Variants in TTLL7 observed in about 807,000 individuals in gnomAD.
The protein encoded by TTLL7 is tubulin tyrosine ligase like 7.
TTLL7 carries 53 observed loss-of-function variants against 120.2 expected under a neutral mutation model. The ratio of observed to expected loss-of-function variants is 0.44; its 90% CI spans 0.35 to 0.55. The LOEUF (loss-of-function observed/expected upper bound fraction) is 0.55, where lower values mean the gene tolerates loss of function less well. TTLL7 is among the 20% of genes least tolerant of loss of function. The pLI is 0.00. For missense variants in TTLL7, 803 were observed against 1,054.7 expected (o/e 0.76, Z 3.31); for synonymous variants, 353 against 351.7 (o/e 1.00, Z -0.04).
chr1:83,996,039 C>A (rs78962813), intron 1 of TTLL7, among the ~76,000 whole-genome samples: 1,717 of 151,908 alleles, frequency 0.011, 26 homozygotes, highest in Non-Finnish European at 0.015. Flanking sequence ...AATATAGATA[C>A]CATAATTAAA....
At chr1:83,905,552 T>C (rs979659409) in intron 17 of TTLL7, among the ~76,000 whole-genome samples, 2 of 150,434 alleles carry the variant, frequency 1.3e-5, no homozygotes, top group African/African-American at 2.4e-5. Flanking sequence ...ATATACATAA[T>C]TTATAAAATT....
At chr1:83,894,106 A>G in intron 18 of TTLL7, among the ~76,000 whole-genome samples, 1 of 152,114 alleles carries the variant, frequency 6.6e-6, no homozygotes, top group East Asian at 1.9e-4. Flanking sequence ...ATGTGATATA[A>G]GAATCAACAC....
At chr1:83,875,225 A>T (rs898405277) in intron 20 of TTLL7, among the ~76,000 whole-genome samples, 3 of 151,826 alleles carry the variant, frequency 2.0e-5, no homozygotes, top group Admixed American at 6.6e-5. Flanking sequence ...CTACCCAATT[A>T]TACATTCCTT....
In TTLL7 at chr1:83,867,284, T is replaced by C. The variant is rs1489122062; in HGVS notation, c.*2678A>G. The C allele has an allele frequency of 5.9e-5, 9 of 152,026 alleles. No individual in the cohort carries two copies. Among genetic ancestry groups the C allele is most frequent in the Non-Finnish European group, 1.2e-4 (8 of 67,896 alleles). The allele number at this position is 152,026 out of a possible 1,614,324, so 9.4% of individuals were successfully genotyped here. A position where few individuals can be genotyped will look rare whatever the true frequency, so the allele number is the denominator to read the frequency against. ...TGTTGTGTCTTCTCTTAGTTGCTCA[T>C]TAGGGAATAGCACTACAGCAGACAC... is the stretch of plus-strand genomic sequence containing the variant. On this transcript the variant is annotated 3_prime_UTR_variant, in exon 21 of 21. Coordinates refer to ENST00000260505, the MANE Select transcript of TTLL7 (RefSeq NM_024686.6).
At position 83,895,355 on chromosome 1, in the gene TTLL7, C is replaced by A. The variant is rs140920279; in HGVS notation, c.2209-4874G>T. 7.2e-3 allele frequency among the ~76,000 whole-genome samples: 1,091 copies of A among 152,084 alleles called. 20 individuals carry two copies. The highest frequency in any genetic ancestry group is 0.025 in the African/African-American group (1,044 of 41,504). ...GGTAAAAAATCATTGAGAGAACTTACCATGTGCCAAGCACTGTTCTAAGCA... is the reference window on the plus strand; with the variant it reads ...GGTAAAAAATCATTGAGAGAACTTAACATGTGCCAAGCACTGTTCTAAGCA... On this transcript the variant is annotated intron_variant, in intron 18 of 20. Transcript: ENST00000260505.
At chr1:83,911,443 T>C (rs1161405735) in intron 14 of TTLL7, 80 bp from the exon 15 acceptor site, 4 of 1,142,014 alleles carry the variant, frequency 3.5e-6, no homozygotes, top group Non-Finnish European at 3.7e-6. Context: ...ATTTTTAATT[T>C]CCCCCTATGC....
intron 1 of TTLL7, among the ~76,000 whole-genome samples, chr1:83,984,776 G>A (rs1652291274): frequency 6.6e-6 from 1 of 152,130 alleles, no homozygotes; most frequent in African/African-American, 2.4e-5. Flanking sequence ...CTACTAGAGA[G>A]GGGAGAGAGG....
chr1:83,942,720 G>C (rs1268348213), intron 6 of TTLL7, 41 bp from the exon 7 acceptor site: 4 of 1,452,064 alleles, frequency 2.8e-6, no homozygotes, highest in East Asian at 2.3e-5. Context: ...ATTTGACATA[G>C]AGCAAGGTGT....
chr1:83,934,995 TGGTG>T (rs1449373793), intron 8 of TTLL7, among the ~76,000 whole-genome samples: 1 of 152,152 alleles, frequency 6.6e-6, no homozygotes, highest in African/African-American at 2.4e-5. Flanking sequence ...TTCCACTACC[TGGTG>T]GAACAATATT....
chr1:83,967,177 T>C (rs1002079644), intron 1 of TTLL7, among the ~76,000 whole-genome samples: 1 of 152,012 alleles, frequency 6.6e-6, no homozygotes, highest in African/African-American at 2.4e-5. Context: ...TTTTTTTAAG[T>C]AAATAAAATA....
At chr1:83,979,370 T>C (rs1651770011) in intron 1 of TTLL7, 1 of 152,092 alleles carries the variant, frequency 6.6e-6, no homozygotes, top group African/African-American at 2.4e-5. Context: ...AGGGTCCAGG[T>C]GGAGTCACCC....
At chr1:83,965,071 T>G (rs1316349961) in intron 1 of TTLL7, among the ~76,000 whole-genome samples, 5 of 151,876 alleles carry the variant, frequency 3.3e-5, no homozygotes, top group Admixed American at 3.3e-4. Flanking sequence ...CTGGAACTCA[T>G]AGATTATTCT....
intron 20 of TTLL7, among the ~76,000 whole-genome samples, chr1:83,880,922 T>C (rs1254937767): frequency 6.6e-6 from 1 of 151,996 alleles, no homozygotes; most frequent in East Asian, 1.9e-4. Context: ...AACAGAGCCC[T>C]CAGAAATAAT....
intron 1 of TTLL7, among the ~76,000 whole-genome samples, chr1:83,975,285 T>G (rs189726849): frequency 1.3e-5 from 2 of 152,106 alleles, no homozygotes; most frequent in African/African-American, 2.4e-5. Context: ...GGGTCTGGAG[T>G]GCAGCCTTGA....
At chr1:83,951,787 C>T (rs1649079769) in intron 3 of TTLL7, 58 bp downstream of exon 3, 1 of 1,544,772 alleles carries the variant, frequency 6.5e-7, no homozygotes, top group Non-Finnish European at 8.7e-7. Context: ...GTTTTTAACA[C>T]CAAATCAGTT....
At chr1:83,929,677 G>GTGCT (rs557802423) in intron 9 of TTLL7, among the ~76,000 whole-genome samples, 21 of 152,194 alleles carry the variant, frequency 1.4e-4, no homozygotes, top group African/African-American at 4.8e-4. Flanking sequence ...GAAACTATCA[G>GTGCT]TGCTCCCTTT....
chr1:83,879,703 C>T (rs1654275187), intron 20 of TTLL7, among the ~76,000 whole-genome samples: 1 of 151,968 alleles, frequency 6.6e-6, no homozygotes, highest in Non-Finnish European at 1.5e-5. Flanking sequence ...TAGTATTTCT[C>T]TATCAAATGG....
intron 15 of TTLL7, among the ~76,000 whole-genome samples, chr1:83,909,055 CTTT>C (rs79076935): frequency 1.4e-5 from 2 of 142,196 alleles, no homozygotes; most frequent in Admixed American, 7.1e-5. Context: ...ACTGGTCAAT[CTTT>C]TTTTTTTTTT....
intron 14 of TTLL7, among the ~76,000 whole-genome samples, chr1:83,916,761 C>T (rs1485988753): frequency 6.6e-6 from 1 of 152,042 alleles, no homozygotes; most frequent in Non-Finnish European, 1.5e-5. Flanking sequence ...TAATTTAACT[C>T]TTTCCTACTC....
Sources: gnomAD v4.1 joint callset for allele counts (sites outside exome capture counted in the v4.1 genomes callset) on GRCh38, gnomAD v4.1.1 for gene constraint, MANE v1.5 for transcripts, NCBI Gene and HGNC (gene_info 2026-07-23, HGNC 2026-07-21) for gene names.